The following CALN1 variants were observed in gnomAD, a reference collection of about 807,000 sequenced individuals.
CALN1 encodes the protein calneuron 1.
In CALN1, 17 loss-of-function variants were observed where a neutral mutation model predicts 30.6. The ratio of observed to expected loss-of-function variants is 0.56; its 90% CI spans 0.38 to 0.83. The LOEUF (loss-of-function observed/expected upper bound fraction) is 0.83. CALN1 is among the 40% of genes least tolerant of loss of function. The pLI, the probability that CALN1 is intolerant of heterozygous loss-of-function variation, is 0.00. For synonymous variants in CALN1, 156 were observed against 131.4 expected (o/e 1.19, Z -1.28); for missense variants, 291 against 354.9 (o/e 0.82, Z 1.45).
intron 5 of CALN1, among the ~76,000 whole-genome samples, chr7:71,886,092 C>A (rs184232825): frequency 6.6e-6 from 1 of 152,340 alleles, no homozygotes; most frequent in East Asian, 1.9e-4. Context: ...GGTTCCAAGT[C>A]CCAGCGAAGA....
At chr7:72,033,728 G>GTC (rs1316356838) in intron 4 of CALN1, among the ~76,000 whole-genome samples, 5 of 152,170 alleles carry the variant, frequency 3.3e-5, no homozygotes, top group Admixed American at 6.5e-5. Flanking sequence ...GGCCCAGAAG[G>GTC]TCAAGGCAGG....
intron 5 of CALN1, among the ~76,000 whole-genome samples, chr7:72,005,613 G>C (rs1438601284): frequency 6.6e-6 from 1 of 152,116 alleles, no homozygotes; most frequent in Non-Finnish European, 1.5e-5. Context: ...TTATGGACAT[G>C]AGCCACCCAT....
intron 5 of CALN1, among the ~76,000 whole-genome samples, chr7:71,830,816 T>C (rs1789230270): frequency 6.6e-6 from 1 of 152,226 alleles, no homozygotes; most frequent in Non-Finnish European, 1.5e-5. Flanking sequence ...CATGTGGTTG[T>C]TATGTGGATA....
chr7:72,121,041 T>C (rs548948785), intron 3 of CALN1, among the ~76,000 whole-genome samples: 1 of 149,248 alleles, frequency 6.7e-6, no homozygotes, highest in South Asian at 2.1e-4. Context: ...TGGAACGCTT[T>C]ATATTATATA....
intron 5 of CALN1, among the ~76,000 whole-genome samples, chr7:71,943,396 C>T (rs990193165): frequency 6.6e-6 from 1 of 152,146 alleles, no homozygotes; most frequent in Non-Finnish European, 1.5e-5. Context: ...AATTACTTCA[C>T]ATATCCATGC....
At chr7:72,273,538 G>C in intron 3 of CALN1, among the ~76,000 whole-genome samples, 1 of 145,142 alleles carries the variant, frequency 6.9e-6, no homozygotes, top group East Asian at 2.0e-4. Flanking sequence ...CTAGAGACAG[G>C]GTCTTTCTTT....
At chr7:71,885,472 G>T (rs1278753676) in intron 5 of CALN1, among the ~76,000 whole-genome samples, 1 of 152,206 alleles carries the variant, frequency 6.6e-6, no homozygotes, top group Non-Finnish European at 1.5e-5. Flanking sequence ...TTTCTTAAAT[G>T]TATTTGATTG....
chr7:72,374,603 C>T (rs911242223), intron 2 of CALN1, among the ~76,000 whole-genome samples: 3 of 151,078 alleles, frequency 2.0e-5, no homozygotes, highest in East Asian at 3.9e-4. Flanking sequence ...CTTTCTCAAC[C>T]TTATAAAGGA....
chr7:72,175,249 A>G (rs1039011081), intron 3 of CALN1, among the ~76,000 whole-genome samples: 8 of 151,890 alleles, frequency 5.3e-5, no homozygotes, highest in Admixed American at 3.9e-4. Flanking sequence ...AATTTTTTGT[A>G]TTTTTAGTAG....
Position 72,038,035 on chromosome 7 carries a change from G to A in CALN1, c.389-14266C>T, listed in dbSNP as rs1171342832. Among the ~76,000 whole-genome samples the A allele has an allele frequency of 2.6e-5, 4 of 152,344 alleles. No individual in the cohort carries two copies. The East Asian group carries it at 7.7e-4, about 29-fold the overall frequency. ...ACTTCAACCAGAGGGGAAGGGGCTT[G>A]CAATAGGGGGCCAGGTGCACCACCA... On this transcript the variant is annotated intron_variant, in intron 4 of 6. Transcript: ENST00000395275.
intron 5 of CALN1, among the ~76,000 whole-genome samples, chr7:71,836,659 C>T (rs1286247795): frequency 1.3e-5 from 2 of 148,646 alleles, no homozygotes; most frequent in East Asian, 4.0e-4. Context: ...AGTTCTGTCG[C>T]CCAGGCTGGA....
chr7:72,122,374 G>A (rs1808457381), intron 3 of CALN1, among the ~76,000 whole-genome samples: 1 of 152,092 alleles, frequency 6.6e-6, no homozygotes, highest in African/African-American at 2.4e-5. Flanking sequence ...AGTGAATGGA[G>A]AGAAGGGAGC....
chr7:71,928,534 T>C lies in CALN1; in HGVS notation c.501+95123A>G, dbSNP rs59988375. Among the ~76,000 whole-genome samples, 408 of 152,090 alleles carry C rather than the reference T, an allele frequency of 2.7e-3. 1 individual carries two copies. Among genetic ancestry groups the C allele is most frequent in the African/African-American group, 9.5e-3 (396 of 41,480 alleles). ...TTTGATCCACGGTTATTTGAATCCA[T>C]GGATGCAGAACCCGTGGATACAGAA... On this transcript the variant is annotated intron_variant, in intron 5 of 6. Transcript: ENST00000395275.
intron 5 of CALN1, among the ~76,000 whole-genome samples, chr7:71,975,985 A>C (rs955986692): frequency 6.6e-6 from 1 of 151,100 alleles, no homozygotes; most frequent in African/African-American, 2.4e-5. Context: ...AGCTATATTA[A>C]GGCTTTTAAA....
intron 4 of CALN1, among the ~76,000 whole-genome samples, chr7:72,056,927 T>G (rs192428251): frequency 6.6e-6 from 1 of 152,192 alleles, no homozygotes; most frequent in Admixed American, 6.5e-5. Flanking sequence ...TGTTATTTCA[T>G]TTTTGTTGTT....
chr7:72,105,342 G>T (rs1180320867), intron 4 of CALN1, among the ~76,000 whole-genome samples: 4 of 152,120 alleles, frequency 2.6e-5, no homozygotes, highest in Non-Finnish European at 5.9e-5. Context: ...CCTCTTGCTG[G>T]TGAACTTTTC....
chr7:72,031,269 T>G (rs2129531965), intron 4 of CALN1, among the ~76,000 whole-genome samples: 1 of 152,298 alleles, frequency 6.6e-6, no homozygotes, highest in Admixed American at 6.5e-5. Flanking sequence ...GAAATCTAAA[T>G]GGCTCCCTGT....
At chr7:72,489,603 C>A in the CALN1 span, among the ~76,000 whole-genome samples, 2 of 152,006 alleles carry the variant, frequency 1.3e-5, no homozygotes, top group African/African-American at 2.4e-5. Context: ...CTTGAAAGAG[C>A]CTTTATTTCA....
chr7:72,340,351 G>C (rs1802324404), intron 2 of CALN1, among the ~76,000 whole-genome samples: 1 of 147,860 alleles, frequency 6.8e-6, no homozygotes, highest in Admixed American at 6.9e-5. Flanking sequence ...GGGATTACTA[G>C]TCCCAATGTG....
Sources: allele counts gnomAD v4.1 joint callset (sites outside exome capture counted in the v4.1 genomes callset), GRCh38; gene constraint gnomAD v4.1.1; transcripts MANE v1.5; gene names NCBI Gene and HGNC (gene_info 2026-07-23, HGNC 2026-07-21).